Variants in COLGALT2 observed in about 807,000 individuals in gnomAD.
COLGALT2 encodes the protein collagen beta(1-O)galactosyltransferase 2.
A neutral mutation model predicts 73.4 loss-of-function variants in COLGALT2; 49 were observed. The ratio of observed to expected loss-of-function variants is 0.67; its 90% CI spans 0.53 to 0.85. The LOEUF is 0.85. Ranked by LOEUF, COLGALT2 falls within the 40% of genes least tolerant of loss-of-function variation. The pLI, the probability that COLGALT2 is intolerant of heterozygous loss-of-function variation, is 0.00. For missense variants in COLGALT2, 722 were observed against 790.2 expected, an observed-to-expected ratio of 0.91 and a Z score of 1.03; for synonymous variants, 295 against 307.6, an observed-to-expected ratio of 0.96 and a Z score of 0.43.
rs777651565 is a variant in COLGALT2, at chr1:183,940,741, C to G, written c.1444G>C (p.Val482Leu). The G allele has an allele frequency of 6.8e-6, 11 of 1,614,118 alleles. No homozygotes were observed. The highest frequency in any genetic ancestry group is 1.3e-5 in the African/African-American group (1 of 74,944). Residue 482 changes from valine (V) to leucine (L), a missense_variant, in exon 11 of 12, where the codon GTG becomes CTG. Val to Leu is a conservative substitution (Grantham distance 32). Transcript: ENST00000361927. ...RMQVKEPEKA[V>L]PNVANLVEAD... is the part of the protein sequence containing the mutation. ...TCGACCAGGTTTGCCACATTGGGCA[C>G]TGCTTTCTCTGGCTCCTTTACTTGC...
At chr1:183,986,420 C>T (rs1295458610) in intron 1 of COLGALT2, among the ~76,000 whole-genome samples, 1 of 152,254 alleles carries the variant, frequency 6.6e-6, no homozygotes, top group African/African-American at 2.4e-5. Flanking sequence ...CCCATTTCAT[C>T]CCAGAAACAA....
chr1:183,983,129 T>G (rs1671397163), intron 1 of COLGALT2, among the ~76,000 whole-genome samples: 1 of 152,246 alleles, frequency 6.6e-6, no homozygotes, highest in Non-Finnish European at 1.5e-5. Context: ...GTCTGTAGTG[T>G]TACTTCCCTG....
intron 11 of COLGALT2, among the ~76,000 whole-genome samples, chr1:183,940,085 T>C (rs1485631311): frequency 3.3e-5 from 5 of 152,226 alleles, no homozygotes; most frequent in African/African-American, 1.2e-4. Context: ...CCACACTCCC[T>C]GAACCTCTTA....
chr1:184,008,293 T>A (rs1456384017), intron 1 of COLGALT2, among the ~76,000 whole-genome samples: 1 of 152,210 alleles, frequency 6.6e-6, no homozygotes, highest in Non-Finnish European at 1.5e-5. Context: ...AAATTAAATA[T>A]TAATTCAGAT....
intron 4 of COLGALT2, among the ~76,000 whole-genome samples, chr1:183,972,941 C>T (rs867176677): frequency 6.6e-6 from 1 of 152,120 alleles, no homozygotes; most frequent in African/African-American, 2.4e-5. Context: ...CCTTGTAATC[C>T]GCCCGCCTTG....
rs572124866 is a variant in COLGALT2 at position 183,980,337 on chromosome 1, AACCT to A, written c.264-1821_264-1818del. Among the ~76,000 whole-genome samples the A allele has an allele frequency of 2.0e-5, 3 of 152,204 alleles. No homozygotes were observed. In the South Asian group the frequency reaches 6.2e-4, roughly 32 times the overall value. On this transcript the variant is annotated intron_variant, in intron 1 of 11. Coordinates refer to ENST00000361927, the MANE Select transcript of COLGALT2 (RefSeq NM_015101.4). The stretch of plus-strand genomic sequence containing the variant: ...GATCAATAAAAGACAAGCTGTAGTT[AACCT>A]ACCTAAGACAAACAAATATAAAACA...
intron 1 of COLGALT2, among the ~76,000 whole-genome samples, chr1:184,001,034 T>C (rs560977081): frequency 8.4e-4 from 128 of 152,124 alleles, no homozygotes; most frequent in Admixed American, 2.8e-3. Context: ...GGGGTTTCAC[T>C]GTGTTAGCCA....
intron 1 of COLGALT2, among the ~76,000 whole-genome samples, chr1:183,998,220 C>T (rs1290567806): frequency 6.6e-6 from 1 of 152,156 alleles, no homozygotes; most frequent in South Asian, 2.1e-4. Flanking sequence ...AGAAACGATA[C>T]ATTATTGTGG....
intron 4 of COLGALT2, among the ~76,000 whole-genome samples, chr1:183,970,845 A>G (rs1420917748): frequency 6.6e-6 from 1 of 152,216 alleles, no homozygotes; most frequent in East Asian, 1.9e-4. Flanking sequence ...CTTTAACTTA[A>G]GGATCATTTA....
intron 1 of COLGALT2, among the ~76,000 whole-genome samples, chr1:184,009,842 A>G (rs1055118059): frequency 2.6e-5 from 4 of 152,212 alleles, no homozygotes; most frequent in Non-Finnish European, 5.9e-5. Flanking sequence ...ATTTCTATTT[A>G]TTCTACTTTT....
At chr1:183,945,337 C>A in intron 9 of COLGALT2, 95 bp downstream of exon 9, 1 of 1,398,366 alleles carries the variant, frequency 7.2e-7, no homozygotes, top group East Asian at 2.3e-5. Flanking sequence ...AGAACAGTTG[C>A]GGGCTCACTT....
At chr1:184,036,543 AG>A (rs1443268563) in intron 1 of COLGALT2, among the ~76,000 whole-genome samples, 1 of 152,110 alleles carries the variant, frequency 6.6e-6, no homozygotes, top group Non-Finnish European at 1.5e-5. Context: ...AGGTCCCCCT[AG>A]GAGAGCTAGG....
chr1:183,984,177 G>C (rs758475856), intron 1 of COLGALT2, among the ~76,000 whole-genome samples: 1 of 152,218 alleles, frequency 6.6e-6, no homozygotes, highest in Non-Finnish European at 1.5e-5. Context: ...GGGAGGGTGA[G>C]GCGGATCACC....
intron 8 of COLGALT2, among the ~76,000 whole-genome samples, chr1:183,950,484 A>AAAG (rs1313646323): frequency 1.9e-4 from 29 of 152,170 alleles, no homozygotes; most frequent in Admixed American, 1.2e-3. Context: ...TAAAAAAAAA[A>AAAG]AAAAAGAAGG....
At chr1:183,961,653 A>G (rs2102805271) in intron 6 of COLGALT2, among the ~76,000 whole-genome samples, 1 of 152,320 alleles carries the variant, frequency 6.6e-6, no homozygotes, top group South Asian at 2.1e-4. Context: ...ACAGTGTCTA[A>G]GTTCAAGCCC....
intron 1 of COLGALT2, among the ~76,000 whole-genome samples, chr1:184,020,479 C>G (rs968156588): frequency 1.3e-5 from 2 of 152,166 alleles, no homozygotes; most frequent in Non-Finnish European, 2.9e-5. Context: ...CTCAGCCATA[C>G]AAACCTTCTT....
chr1:183,992,032 T>C (rs569352150), intron 1 of COLGALT2, among the ~76,000 whole-genome samples: 39 of 152,282 alleles, frequency 2.6e-4, no homozygotes, highest in African/African-American at 9.4e-4. Flanking sequence ...CTCACTGCTC[T>C]TCTGCAGAGA....
chr1:183,940,195 T>G lies in COLGALT2; in HGVS notation c.1604+386A>C, dbSNP rs537779019. 2.0e-5 allele frequency among the ~76,000 whole-genome samples: 3 copies of G among 152,342 alleles called. No individual in the cohort carries two copies. The East Asian group carries it at 5.8e-4, about 29-fold the overall frequency. ...TGAGCTATGCAAAAATGGGTATCTCTGCTTAGCCAACAGTACCCAATGACC... is the reference window on the plus strand; with the variant it reads ...TGAGCTATGCAAAAATGGGTATCTCGGCTTAGCCAACAGTACCCAATGACC... On this transcript the variant is annotated intron_variant, in intron 11 of 11. Transcript: ENST00000361927.
chr1:184,035,645 G>A (rs1309086716), intron 1 of COLGALT2, among the ~76,000 whole-genome samples: 1 of 152,058 alleles, frequency 6.6e-6, no homozygotes, highest in Non-Finnish European at 1.5e-5. Flanking sequence ...ACTTCTTATG[G>A]TAAATACTGT....
Sources: gnomAD v4.1 joint callset for allele counts (sites outside exome capture counted in the v4.1 genomes callset) on GRCh38, gnomAD v4.1.1 for gene constraint, MANE v1.5 for transcripts, NCBI Gene and HGNC (gene_info 2026-07-23, HGNC 2026-07-21) for gene names.